SPECC1: variants seen among roughly 807,000 people sequenced by gnomAD.
SPECC1 encodes sperm antigen with calponin homology and coiled-coil domains 1.
SPECC1 carries 62 observed loss-of-function variants against 104.1 expected under a neutral mutation model. That is an observed-to-expected ratio of 0.60 (90% CI 0.49 to 0.74). The LOEUF (loss-of-function observed/expected upper bound fraction) is 0.74. Among genes scored for constraint, SPECC1 ranks in the 30% least tolerant of loss-of-function variants. The pLI is 0.00. For synonymous variants in SPECC1, 513 were observed against 501.6 expected (o/e 1.02, Z -0.30); for missense variants, 1,306 against 1,310.5 (o/e 1.00, Z 0.05).
intron 1 of SPECC1, among the ~76,000 whole-genome samples, chr17:20,086,843 A>T (rs956548652): frequency 6.6e-6 from 1 of 152,188 alleles, no homozygotes; most frequent in Non-Finnish European, 1.5e-5. Context: ...GGTAGAGCAC[A>T]CAGAGGTTTT....
intron 1 of SPECC1, among the ~76,000 whole-genome samples, chr17:20,084,708 G>A (rs1370163426): frequency 6.6e-6 from 1 of 151,976 alleles, no homozygotes; most frequent in Non-Finnish European, 1.5e-5. Flanking sequence ...TGCCTTACTC[G>A]AGGTCACAAC....
intron 1 of SPECC1, among the ~76,000 whole-genome samples, chr17:20,031,660 C>T (rs1424283912): frequency 6.6e-6 from 1 of 152,208 alleles, no homozygotes; most frequent in Non-Finnish European, 1.5e-5. Flanking sequence ...AATAACTCCA[C>T]GTTACTCCCT....
intron 3 of SPECC1, among the ~76,000 whole-genome samples, chr17:20,110,927 C>T (rs551332175): frequency 9.2e-5 from 14 of 152,092 alleles, no homozygotes; most frequent in Admixed American, 3.3e-4. Context: ...TGATCCCTTG[C>T]GAAGGTGGGT....
intron 4 of SPECC1, among the ~76,000 whole-genome samples, chr17:20,220,994 G>T (rs1355544213): frequency 1.3e-5 from 2 of 152,050 alleles, no homozygotes; most frequent in African/African-American, 4.8e-5. Flanking sequence ...AACCACCTTT[G>T]CATCCCTAGG....
At chr17:20,283,759 G>T (rs1443511198) in intron 12 of SPECC1, among the ~76,000 whole-genome samples, 1 of 151,938 alleles carries the variant, frequency 6.6e-6, no homozygotes, top group African/African-American at 2.4e-5. Flanking sequence ...GCTAATTTTT[G>T]TATTTTTTTG....
chr17:20,318,993 AAT>A lies in SPECC1; in HGVS notation c.*4931_*4932del, dbSNP rs2142303400. The stretch of plus-strand genomic sequence containing the variant: ...AGGAAAGTGTATGATAAATGACTGT[AAT>A]ATTTCTAATAAATATATTTTGTTTC... On this transcript the variant is annotated 3_prime_UTR_variant, in exon 15 of 15. Coordinates refer to ENST00000395527, the MANE Select transcript of SPECC1 (RefSeq NM_001243439.2). 5.6e-6 allele frequency: 1 copy of A among 178,880 alleles called. No individual in the cohort carries two copies. Among genetic ancestry groups the A allele is most frequent in the South Asian group, 2.0e-4 (1 of 5,058 alleles). 11.1% of individuals were successfully genotyped at this position (178,880 alleles called of 1,614,324 possible).
At chr17:20,040,146 T>C (rs1307475461) in intron 1 of SPECC1, among the ~76,000 whole-genome samples, 1 of 150,332 alleles carries the variant, frequency 6.7e-6, no homozygotes, top group Admixed American at 6.6e-5. Context: ...TGTATTACAT[T>C]ATATGTATAT....
intron 2 of SPECC1, among the ~76,000 whole-genome samples, chr17:20,106,748 A>G (rs1410610224): frequency 6.6e-6 from 1 of 152,178 alleles, no homozygotes; most frequent in Non-Finnish European, 1.5e-5. Flanking sequence ...CTGTGAGTCA[A>G]CTAAACCTCT....
chr17:20,159,676 A>G (rs1167411121), intron 3 of SPECC1, among the ~76,000 whole-genome samples: 1 of 152,206 alleles, frequency 6.6e-6, no homozygotes, highest in Non-Finnish European at 1.5e-5. Context: ...ATGACTTAAC[A>G]TGGTATTGCA....
At chr17:20,254,206 G>A (rs1008098829) in intron 10 of SPECC1, among the ~76,000 whole-genome samples, 1 of 142,986 alleles carries the variant, frequency 7.0e-6, no homozygotes, top group Admixed American at 7.0e-5. Context: ...TCCAATCCTG[G>A]TTGTAAAGTG....
Position 20,185,750 on chromosome 17 carries a change from C to T in SPECC1, c.284-18583C>T, listed in dbSNP as rs374800822. On this transcript the variant is annotated intron_variant, in intron 3 of 14. Transcript: ENST00000395527. ...CAGAGCCAACCTCCACTACTCCTTG[C>T]ACCCAGATTGATGGTCCCATGAACC... Among the ~76,000 whole-genome samples, 141 of 152,358 alleles carry T rather than the reference C, an allele frequency of 9.3e-4. 1 individual carries two copies. In the South Asian group the frequency reaches 0.027, roughly 29 times the overall value.
At chr17:20,239,910 TA>T (rs2039119951) in intron 7 of SPECC1, among the ~76,000 whole-genome samples, 1 of 60,270 alleles carries the variant, frequency 1.7e-5, no homozygotes, top group African/African-American at 6.6e-5. Flanking sequence ...TTTTTTTTTT[TA>T]AAGACAGGGC....
chr17:20,277,224 G>A (rs890849983), intron 12 of SPECC1, among the ~76,000 whole-genome samples: 7 of 152,142 alleles, frequency 4.6e-5, no homozygotes, highest in African/African-American at 1.7e-4. Flanking sequence ...GCTTCTGCAT[G>A]ACTGAGCCTC....
intron 3 of SPECC1, among the ~76,000 whole-genome samples, chr17:20,178,521 T>C (rs1297243607): frequency 2.6e-5 from 4 of 152,170 alleles, no homozygotes; most frequent in Non-Finnish European, 5.9e-5. Context: ...CATAACTAAA[T>C]CAGAGAGGCA....
intron 7 of SPECC1, chr17:20,236,909 C>T (rs1447754795): frequency 1.4e-5 from 23 of 1,613,508 alleles, no homozygotes; most frequent in Non-Finnish European, 1.9e-5. Flanking sequence ...GAAAGACAGC[C>T]CAGCTCTTGC....
intron 3 of SPECC1, among the ~76,000 whole-genome samples, chr17:20,130,800 A>G (rs940994364): frequency 4.6e-5 from 7 of 152,318 alleles, no homozygotes; most frequent in African/African-American, 1.4e-4. Context: ...GAACCTGTAA[A>G]TCAATTTGGG....
In SPECC1 at chr17:20,096,736, T is replaced by C. The variant is rs752201075; in HGVS notation, c.85T>C (p.Ser29Pro). Residue 29 changes from serine to proline, a missense_variant, in exon 2 of 15, where the codon TCT becomes CCT. Around this residue, in one of 2 missense-constraint regions of SPECC1, gnomAD observed 1,177 missense variants for 1,139.9 expected, o/e 1.03. Transcript: ENST00000395527. The part of the protein sequence containing the change: ...PDRVRPLPAA[S>P]SGMKSSKSST... The stretch of plus-strand genomic sequence containing the variant: ...CCGGGTGCGGCCTCTGCCTGCAGCC[T>C]CTTCCGGCATGAAGAGTTCTAAGTC... 10 of 1,614,120 alleles carry C rather than the reference T, an allele frequency of 6.2e-6. No homozygotes were observed. The highest frequency in any genetic ancestry group is 1.3e-5 in the African/African-American group (1 of 74,936).
chr17:20,303,914 C>T (rs1433178406), intron 13 of SPECC1, among the ~76,000 whole-genome samples: 1 of 151,868 alleles, frequency 6.6e-6, no homozygotes, highest in Non-Finnish European at 1.5e-5. Flanking sequence ...GATCGTGCCA[C>T]TGCACTCCAG....
At chr17:20,305,813 G>C (rs1191880927) in intron 13 of SPECC1, 1 of 438,468 alleles carries the variant, frequency 2.3e-6, no homozygotes, top group East Asian at 3.4e-5. Context: ...ATCTTTGATA[G>C]GTGTCAATCA....
Sources: gnomAD v4.1 joint callset for allele counts (sites outside exome capture counted in the v4.1 genomes callset) on GRCh38, gnomAD v4.1.1 for gene constraint, gnomAD v4.1.1 regional missense constraint, MANE v1.5 for transcripts, NCBI Gene and HGNC (gene_info 2026-07-23, HGNC 2026-07-21) for gene names.